The following NAV2 variants were observed in gnomAD, a reference collection of about 807,000 sequenced individuals.
NAV2 encodes the protein neuron navigator 2.
In NAV2, 54 loss-of-function variants were observed where a neutral mutation model predicts 223.2. The ratio of observed to expected loss-of-function variants is 0.24; its 90% CI spans 0.19 to 0.30. The LOEUF (loss-of-function observed/expected upper bound fraction) is 0.30, where lower values mean the gene tolerates loss of function less well. NAV2 is among the 10% of genes least tolerant of loss of function. The pLI, the probability that NAV2 is intolerant of heterozygous loss-of-function variation, is 1.00. For missense variants in NAV2, 2,806 were observed against 3,147.5 expected (o/e 0.89, Z 2.60); for synonymous variants, 1,279 against 1,239.3 (o/e 1.03, Z -0.67).
intron 6 of NAV2, among the ~76,000 whole-genome samples, chr11:19,897,722 C>T (rs2042101142): frequency 6.6e-6 from 1 of 151,908 alleles, no homozygotes; most frequent in Admixed American, 6.6e-5. Flanking sequence ...AAAGACTGAT[C>T]TCAGATTTTG....
At chr11:19,972,418 C>T (rs2049328359) in intron 10 of NAV2, among the ~76,000 whole-genome samples, 1 of 152,174 alleles carries the variant, frequency 6.6e-6, no homozygotes, top group African/African-American at 2.4e-5. Flanking sequence ...TAATCCTCTA[C>T]CCTTGAAGGC....
At chr11:19,745,802 G>A (rs2053285289) in intron 1 of NAV2, among the ~76,000 whole-genome samples, 1 of 152,152 alleles carries the variant, frequency 6.6e-6, no homozygotes, top group African/African-American at 2.4e-5. Flanking sequence ...TGATCTGACA[G>A]GCAGAGCTCA....
At chr11:19,678,422 T>C (rs1057318181) in intron 1 of NAV2, among the ~76,000 whole-genome samples, 52 of 152,116 alleles carry the variant, frequency 3.4e-4, no homozygotes, top group African/African-American at 1.3e-3. Flanking sequence ...CGCTGCAGGA[T>C]CTGGATGAAA....
At chr11:19,646,131 T>A (rs1160086879) in intron 1 of NAV2, among the ~76,000 whole-genome samples, 2 of 152,188 alleles carry the variant, frequency 1.3e-5, no homozygotes, top group Non-Finnish European at 2.9e-5. Flanking sequence ...GCTTTGCAAA[T>A]GGGGTTGAAT....
At position 20,072,470 on chromosome 11, in the gene NAV2, A is replaced by C. The variant is rs1042788967; in HGVS notation, c.4983+4072A>C. On this transcript the variant is annotated intron_variant, in intron 22 of 37. Coordinates refer to ENST00000349880, the MANE Select transcript of NAV2 (RefSeq NM_145117.5). ...AAGTAGTTTTTTTACAATTCTGTGA[A>C]GAAAGTCATTGGTAGCTTGATGGGG... is the stretch of plus-strand genomic sequence containing the variant. Among the ~76,000 whole-genome samples, 12 of 152,314 alleles carry C rather than the reference A, an allele frequency of 7.9e-5. No individual in the cohort carries two copies. In the East Asian group the frequency reaches 9.7e-4, roughly 12 times the overall value.
chr11:19,954,463 T>C (rs1210834453), intron 10 of NAV2, among the ~76,000 whole-genome samples: 1 of 152,104 alleles, frequency 6.6e-6, no homozygotes, highest in Non-Finnish European at 1.5e-5. Context: ...CCCCAGAAAA[T>C]ACCAAAATCT....
intron 1 of NAV2, among the ~76,000 whole-genome samples, chr11:19,601,513 C>T (rs190211151): frequency 1.3e-5 from 2 of 152,284 alleles, no homozygotes; most frequent in East Asian, 1.9e-4. Flanking sequence ...AACTGAGTGG[C>T]ATTTTTTCCT....
chr11:19,621,744 T>A (rs1003928621), intron 1 of NAV2, among the ~76,000 whole-genome samples: 2 of 152,152 alleles, frequency 1.3e-5, no homozygotes, highest in Non-Finnish European at 2.9e-5. Flanking sequence ...GTTTTTTTTG[T>A]CTCTATCTCC....
intron 20 of NAV2, among the ~76,000 whole-genome samples, chr11:20,064,375 ACTCTAG>A (rs2058902760): frequency 1.3e-5 from 2 of 152,062 alleles, no homozygotes; most frequent in Non-Finnish European, 2.9e-5. Flanking sequence ...GGGACATGGG[ACTCTAG>A]CTTCACAGGA....
At chr11:19,391,798 A>G (rs1289133828) in intron 1 of NAV2, among the ~76,000 whole-genome samples, 1 of 152,160 alleles carries the variant, frequency 6.6e-6, no homozygotes, top group African/African-American at 2.4e-5. Context: ...CAGTGTGTCT[A>G]GAATACTGAC....
chr11:19,855,144 T>TA (rs981908139), intron 3 of NAV2, among the ~76,000 whole-genome samples: 1 of 152,090 alleles, frequency 6.6e-6, no homozygotes, highest in Non-Finnish European at 1.5e-5. Flanking sequence ...AGTGGTGGAT[T>TA]AAAAAAATAA....
chr11:19,752,214 T>C (rs2053879796), intron 1 of NAV2, among the ~76,000 whole-genome samples: 2 of 152,134 alleles, frequency 1.3e-5, no homozygotes, highest in South Asian at 4.2e-4. Flanking sequence ...AGTGTGACCT[T>C]TGGCAAAGCC....
chr11:20,049,951 C>G, intron 16 of NAV2, 50 bp downstream of exon 16: 1 of 1,570,130 alleles, frequency 6.4e-7, no homozygotes, highest in Non-Finnish European at 8.8e-7. Context: ...GTTCTTCTGC[C>G]CATTCGTTGT....
At chr11:19,959,560 G>A (rs1312624517) in intron 10 of NAV2, among the ~76,000 whole-genome samples, 2 of 152,222 alleles carry the variant, frequency 1.3e-5, no homozygotes, top group Admixed American at 1.3e-4. Context: ...TGCTAGCCCA[G>A]TTCCTGGGGC....
At chr11:19,418,136 G>A (rs1292068457) in intron 1 of NAV2, among the ~76,000 whole-genome samples, 1 of 152,008 alleles carries the variant, frequency 6.6e-6, no homozygotes, top group African/African-American at 2.4e-5. Context: ...AAAACAAAAG[G>A]GTGTCTTCTC....
At chr11:19,600,227 G>T (rs890448715) in intron 1 of NAV2, among the ~76,000 whole-genome samples, 2 of 152,164 alleles carry the variant, frequency 1.3e-5, no homozygotes, top group African/African-American at 4.8e-5. Context: ...GCCTCATTGG[G>T]TGTGGTTTTC....
chr11:19,909,090 C>T (rs996580560), intron 6 of NAV2, among the ~76,000 whole-genome samples: 2 of 152,144 alleles, frequency 1.3e-5, no homozygotes, highest in African/African-American at 4.8e-5. Flanking sequence ...TGTTATAACT[C>T]TAGCTCTTCT....
upstream of NAV2, among the ~76,000 whole-genome samples, chr11:19,708,123 G>A (rs151158114): frequency 4.6e-4 from 70 of 152,248 alleles, no homozygotes; most frequent in East Asian, 0.012. Context: ...GACCCATCTG[G>A]AAGAAAGTTT....
At chr11:19,801,294 G>A (rs2058240666) in intron 1 of NAV2, among the ~76,000 whole-genome samples, 1 of 152,182 alleles carries the variant, frequency 6.6e-6, no homozygotes, top group Non-Finnish European at 1.5e-5. Context: ...CCTGCCTGTG[G>A]GCAGCAGATT....
Sources: allele counts gnomAD v4.1 joint callset (sites outside exome capture counted in the v4.1 genomes callset), GRCh38; gene constraint gnomAD v4.1.1; transcripts MANE v1.5; gene names NCBI Gene and HGNC (gene_info 2026-07-23, HGNC 2026-07-21).